MACF1: variants seen among roughly 807,000 people sequenced by gnomAD.
MACF1 encodes the protein microtubule-actin cross-linking factor 1.
MACF1 carries 193 observed loss-of-function variants against 854.8 expected under a neutral mutation model. The observed-to-expected ratio is 0.23, with a 90% CI of 0.20 to 0.25. MACF1 has a LOEUF of 0.25. Among genes scored for constraint, MACF1 ranks in the 10% least tolerant of loss-of-function variants. MACF1 has a pLI of 1.00. For missense variants in MACF1, 7,722 were observed against 8,929.1 expected (o/e 0.86, Z 5.45); for synonymous variants, 3,185 against 3,226.7 (o/e 0.99, Z 0.44).
rs749098383 is a variant in MACF1, at chr1:39,285,776, C to G, written c.1508+18C>G. 1.2e-6 allele frequency: 2 copies of G among 1,611,476 alleles called. No homozygotes were observed. Among genetic ancestry groups the G allele is most frequent in the Non-Finnish European group, 1.7e-6 (2 of 1,178,150 alleles). Reference sequence around the variant, plus strand: ...GCTTTTAGGTGAGGAACAAGGGACTCAAATGGAGGGCTTGCTTGCTTACTG... The same window carrying G: ...GCTTTTAGGTGAGGAACAAGGGACTGAAATGGAGGGCTTGCTTGCTTACTG... On this transcript the variant is annotated intron_variant, in intron 14 of 100. Coordinates refer to ENST00000564288, the MANE Select transcript of MACF1 (RefSeq NM_001394062.1).
upstream of MACF1, among the ~76,000 whole-genome samples, chr1:39,203,611 A>G (rs1009048765): frequency 3.3e-5 from 5 of 152,132 alleles, no homozygotes; most frequent in South Asian, 4.2e-4. Flanking sequence ...CTTTTAGTCA[A>G]TTTCCTTCCC....
intron 2 of MACF1, among the ~76,000 whole-genome samples, chr1:39,172,969 C>T (rs112760388): frequency 2.0e-5 from 3 of 152,200 alleles, no homozygotes; most frequent in Non-Finnish European, 4.4e-5. Context: ...TTTAATTTCT[C>T]TCTACCTTGC....
At chr1:39,168,821 G>A (rs1002604168) in intron 2 of MACF1, among the ~76,000 whole-genome samples, 1 of 152,020 alleles carries the variant, frequency 6.6e-6, no homozygotes, top group African/African-American at 2.4e-5. Flanking sequence ...AGAGATGGGG[G>A]TCTCTGTGTG....
rs11205717 is a variant in MACF1 at position 39,168,280 on chromosome 1, C to G, written c.221-62902C>G. Among the ~76,000 whole-genome samples the G allele has an allele frequency of 9.4e-3, 1,424 of 152,230 alleles. 28 individuals are homozygous for G. Among genetic ancestry groups the G allele is most frequent in the African/African-American group, 0.033 (1,352 of 41,544 alleles). On this transcript the variant is annotated intron_variant, in intron 2 of 93. Coordinates refer to the MACF1 transcript ENST00000361689. ...GGCATTGGACACAATTGATTACATC[C>G]CTGCCTGTTTAAAATATTCTCTTCT...
intron 6 of MACF1, among the ~76,000 whole-genome samples, chr1:39,268,200 G>T (rs7515471): frequency 1.6e-4 from 25 of 152,016 alleles, no homozygotes; most frequent in African/African-American, 5.8e-4. Context: ...TCCCTTTTTG[G>T]TACTATTCTC....
chr1:39,334,188 A>G lies in MACF1; in HGVS notation c.7600A>G (p.Lys2534Glu), dbSNP rs139218331. 9.9e-6 allele frequency: 16 copies of G among 1,614,184 alleles called. No individual in the cohort carries two copies. Among genetic ancestry groups the G allele is most frequent in the African/African-American group, 2.7e-5 (2 of 75,056 alleles). The change falls in exon 37 of 101, where the codon AAA becomes GAA. Residue 2534 changes from lysine (K) to glutamate (E), a missense_variant. Transcript: ENST00000564288. The stretch of plus-strand genomic sequence containing the variant: ...CTTAATTGGTGAAGATTTAGCCGAG[A>G]AACTCAAAAGAGTTGAGAACTTAAA... Reference protein sequence around the residue: ...HGLIGEDLAEKLKRVENLNIH... With the variant: ...HGLIGEDLAEELKRVENLNIH...
rs201356281 is a variant in MACF1 at position 39,485,587 on chromosome 1, C to T, written c.22461C>T (p.Ala7487=). The part of the protein sequence containing the change: ...SRPGSRAGSR[A]GSRASSRRGS... ...CTGGGAGTCGGGCTGGGAGTCGAGCCGGGAGTCGAGCCAGCAGCCGGCGAG... is the reference window on the plus strand; with the variant it reads ...CTGGGAGTCGGGCTGGGAGTCGAGCTGGGAGTCGAGCCAGCAGCCGGCGAG... Residue 7487 remains alanine (A), a synonymous_variant, in exon 101 of 101, where the codon GCC becomes GCT. Transcript: ENST00000564288. 18 of 1,613,778 alleles carry T rather than the reference C, an allele frequency of 1.1e-5. No homozygotes were observed. The highest frequency in any genetic ancestry group is 1.4e-5 in the Non-Finnish European group (16 of 1,179,916).
intron 2 of MACF1, chr1:39,103,158 A>G: frequency 2.4e-6 from 1 of 408,302 alleles, no homozygotes. Context: ...AGGAATCTCA[A>G]CCCCTTGCCT....
rs566556810 is a variant in MACF1, at chr1:39,284,454, A to G, written c.1131+26A>G. ...GTAAGTGAGCTTATCCTTTGCTGAGACTTGGGGTTTGCTGGTCTGTACTGT... is the reference window on the plus strand; with the variant it reads ...GTAAGTGAGCTTATCCTTTGCTGAGGCTTGGGGTTTGCTGGTCTGTACTGT... On this transcript the variant is annotated intron_variant, in intron 11 of 100. Coordinates refer to ENST00000564288, the MANE Select transcript of MACF1 (RefSeq NM_001394062.1). 1.9e-5 allele frequency: 29 copies of G among 1,495,836 alleles called. 1 individual carries two copies. The South Asian group carries it at 3.3e-4, about 17-fold the overall frequency. The allele number at this position is 1,495,836 out of a possible 1,614,324, so 92.7% of individuals were successfully genotyped here. A position where few individuals can be genotyped will look rare whatever the true frequency, so the allele number is the denominator to read the frequency against.
In MACF1 at chr1:39,332,987, C is replaced by G. The variant is rs1483306076; in HGVS notation, c.6399C>G (p.Thr2133=). The stretch of plus-strand genomic sequence containing the variant: ...ATGCCAGCAGGGGACACCTCCTGAC[C>G]ATACCTCCTGCTGAGGCGGAAGGTG... ...RENASRGHLL[T]IPPAEAEGVP... is the part of the protein sequence containing the mutation. Residue 2133 remains threonine, a synonymous_variant, in exon 37 of 101, where the codon ACC becomes ACG. Transcript: ENST00000564288. The G allele has an allele frequency of 2.5e-6, 4 of 1,613,982 alleles. No homozygotes were observed. The highest frequency in any genetic ancestry group is 3.4e-6 in the Non-Finnish European group (4 of 1,180,050).
intron 26 of MACF1, among the ~76,000 whole-genome samples, chr1:39,311,860 G>A (rs1571317035): frequency 1.3e-5 from 2 of 152,128 alleles, no homozygotes; most frequent in Admixed American, 6.6e-5. Flanking sequence ...TGATCTGGGA[G>A]CTTAAAGGGG....
chr1:39,331,427 G>A lies in MACF1; in HGVS notation c.4839G>A (p.Arg1613=). The change falls in exon 37 of 101, where the codon CGG becomes CGA. Residue 1613 remains arginine, a synonymous_variant. Transcript: ENST00000564288. ...LINPQMYQQL[R]ELQDALALIS... is the part of the protein sequence containing the mutation. ...ATCCCCAGATGTACCAGCAGCTCCG[G>A]GAGCTACAGGATGCCCTGGCCTTAA... The A allele has an allele frequency of 6.2e-7, 1 of 1,614,096 alleles. No individual in the cohort carries two copies. The highest frequency in any genetic ancestry group is 8.5e-7 in the Non-Finnish European group (1 of 1,180,012).
At chr1:39,286,255 C>T (rs1007301628) in intron 14 of MACF1, among the ~76,000 whole-genome samples, 1 of 151,906 alleles carries the variant, frequency 6.6e-6, no homozygotes, top group Non-Finnish European at 1.5e-5. Context: ...TTCAAGCGAT[C>T]CTCCTGCCTC....
intron 1 of MACF1, among the ~76,000 whole-genome samples, chr1:39,217,118 A>G (rs1644586087): frequency 6.6e-6 from 1 of 152,106 alleles, no homozygotes; most frequent in Non-Finnish European, 1.5e-5. Flanking sequence ...CATGTTATAT[A>G]CTTTTCACAT....
At chr1:39,418,823 A>G (rs1292178005) in intron 58 of MACF1, among the ~76,000 whole-genome samples, 1 of 152,070 alleles carries the variant, frequency 6.6e-6, no homozygotes, top group East Asian at 1.9e-4. Context: ...AGATTATGTC[A>G]CTGCACTCCA....
In MACF1 at chr1:39,451,032, C is replaced by T. The variant is rs761230963; in HGVS notation, c.20259-20C>T. ...TAAAAGGAATCCCTAAAAATGGTAG[C>T]GTTTGTGTGCATTTCTCAGGCAGCA... On this transcript the variant is annotated intron_variant, in intron 84 of 100. Transcript: ENST00000564288. The T allele has an allele frequency of 6.2e-6, 10 of 1,607,060 alleles. No individual in the cohort carries two copies. The highest frequency in any genetic ancestry group is 4.5e-5 in the East Asian group (2 of 44,766).
At chr1:39,483,860 A>T (rs1364698193) in intron 99 of MACF1, among the ~76,000 whole-genome samples, 2 of 152,170 alleles carry the variant, frequency 1.3e-5, no homozygotes, top group Non-Finnish European at 2.9e-5. Context: ...ACTTAGTGTT[A>T]AGAGATTGGG....
At chr1:39,206,882 CAGAAT>C (rs1644456331) in intron 1 of MACF1, 1 of 151,882 alleles carries the variant, frequency 6.6e-6, no homozygotes, top group Non-Finnish European at 1.5e-5. Flanking sequence ...TTGGACATCA[CAGAAT>C]AAAGTTTTTC....
intron 30 of MACF1, among the ~76,000 whole-genome samples, chr1:39,319,069 GTATTGCCTGGAT>G (rs1406249831): frequency 6.6e-6 from 1 of 151,606 alleles, no homozygotes; most frequent in Non-Finnish European, 1.5e-5. Context: ...ATCTGGAGTT[GTATTGCCTGGAT>G]TCCAATTCTG....
Sources: gnomAD v4.1 joint callset for allele counts (sites outside exome capture counted in the v4.1 genomes callset) on GRCh38, gnomAD v4.1.1 for gene constraint, MANE v1.5 for transcripts, NCBI Gene and HGNC (gene_info 2026-07-23, HGNC 2026-07-21) for gene names.